NRXN1: variants seen among roughly 807,000 people sequenced by gnomAD.
NRXN1 encodes neurexin-1.
NRXN1 carries 39 observed loss-of-function variants against 150.9 expected under a neutral mutation model. That is an observed-to-expected ratio of 0.26 (90% CI 0.20 to 0.34). The LOEUF (loss-of-function observed/expected upper bound fraction) is 0.34, where lower values mean the gene tolerates loss of function less well. Among genes scored for constraint, NRXN1 ranks in the 10% least tolerant of loss-of-function variants. The pLI, the probability that NRXN1 is intolerant of heterozygous loss-of-function variation, is 1.00. For synonymous variants in NRXN1, 924 were observed against 757.0 expected, an observed-to-expected ratio of 1.22 and a Z score of -3.62; for missense variants, 1,815 against 1,949.9, an observed-to-expected ratio of 0.93 and a Z score of 1.30.
chr2:49,981,012 T>C (rs1287036668), intron 21 of NRXN1, among the ~76,000 whole-genome samples: 1 of 152,126 alleles, frequency 6.6e-6, no homozygotes, highest in African/African-American at 2.4e-5. Context: ...AATTCTAGTT[T>C]TTCTCCTAGC....
At chr2:50,679,497 T>A (rs1245677503) in intron 5 of NRXN1, among the ~76,000 whole-genome samples, 1 of 152,142 alleles carries the variant, frequency 6.6e-6, no homozygotes, top group Non-Finnish European at 1.5e-5. Context: ...CTTCCAAAAA[T>A]TACAAACTTT....
chr2:50,288,329 T>A (rs2072467259), intron 17 of NRXN1, among the ~76,000 whole-genome samples: 1 of 152,042 alleles, frequency 6.6e-6, no homozygotes, highest in Non-Finnish European at 1.5e-5. Flanking sequence ...AGGCCAGGGA[T>A]GCTGCTAACC....
At chr2:50,157,471 A>G (rs1284888896) in intron 18 of NRXN1, among the ~76,000 whole-genome samples, 6 of 152,120 alleles carry the variant, frequency 3.9e-5, no homozygotes, top group Non-Finnish European at 8.8e-5. Context: ...ATGAGCCAAC[A>G]TTATGCTACT....
At chr2:49,999,589 A>G (rs956926770) in intron 21 of NRXN1, among the ~76,000 whole-genome samples, 1 of 152,180 alleles carries the variant, frequency 6.6e-6, no homozygotes. Flanking sequence ...TCAAATAAGT[A>G]ATCAGGAAAT....
At chr2:50,057,531 T>C (rs143101257) in intron 19 of NRXN1, among the ~76,000 whole-genome samples, 174 of 152,286 alleles carry the variant, frequency 1.1e-3, no homozygotes, top group African/African-American at 4.0e-3. Context: ...AATGGCAAAT[T>C]TGATAGTTTG....
At chr2:50,727,712 T>C (rs1181256326) in intron 5 of NRXN1, among the ~76,000 whole-genome samples, 4 of 152,166 alleles carry the variant, frequency 2.6e-5, no homozygotes, top group Non-Finnish European at 4.4e-5. Flanking sequence ...TTTATGTTTT[T>C]AATTAAACAT....
At chr2:50,982,887 CCTAA>C (rs1310050837) in intron 2 of NRXN1, among the ~76,000 whole-genome samples, 7 of 152,102 alleles carry the variant, frequency 4.6e-5, no homozygotes, top group African/African-American at 1.2e-4. Context: ...TTTGCAAACA[CCTAA>C]CTGACAAATT....
chr2:49,926,270 A>G, intron 22 of NRXN1: 7 of 398,282 alleles, frequency 1.8e-5, no homozygotes, highest in Non-Finnish European at 3.1e-5. Flanking sequence ...GGACTCTTGC[A>G]CTTATAAAGC....
intron 12 of NRXN1, among the ~76,000 whole-genome samples, chr2:50,515,174 C>T (rs1242658361): frequency 2.0e-5 from 3 of 152,274 alleles, no homozygotes; most frequent in African/African-American, 4.8e-5. Flanking sequence ...AATGCAAACC[C>T]TATTGTGAAC....
chr2:50,479,626 CAATA>C (rs139756366), intron 15 of NRXN1, among the ~76,000 whole-genome samples: 78,185 of 151,276 alleles, frequency 0.52, 20,439 homozygotes, highest in Middle Eastern at 0.59. Context: ...AGTTCACATT[CAATA>C]AATAATCATT....
At chr2:50,489,184 G>A (rs2091080545) in intron 15 of NRXN1, among the ~76,000 whole-genome samples, 1 of 152,228 alleles carries the variant, frequency 6.6e-6, no homozygotes, top group Admixed American at 6.5e-5. Flanking sequence ...CAACCTCCTT[G>A]TGGCTGTTCC....
At chr2:50,279,419 A>C (rs1326781177) in intron 17 of NRXN1, among the ~76,000 whole-genome samples, 4 of 152,198 alleles carry the variant, frequency 2.6e-5, no homozygotes, top group Non-Finnish European at 5.9e-5. Context: ...TGAGGAAAAA[A>C]TGTTTAAAAC....
In NRXN1 at chr2:50,575,315, C is replaced by G. The variant is rs369078066; in HGVS notation, c.1321-22290G>C. ...TTTGTGTGCATTGCTGTGCAATCAG[C>G]CCTGAAATTCAGTTGTGGGCATAAG... On this transcript the variant is annotated intron_variant, in intron 8 of 22. Transcript: ENST00000401669. Among the ~76,000 whole-genome samples, 131 of 152,240 alleles carry G rather than the reference C, an allele frequency of 8.6e-4. No homozygotes were observed. The Middle Eastern group carries it at 0.014, about 16-fold the overall frequency.
chr2:50,108,626 G>T (rs920796443), intron 18 of NRXN1, among the ~76,000 whole-genome samples: 9 of 152,076 alleles, frequency 5.9e-5, no homozygotes, highest in Admixed American at 5.2e-4. Flanking sequence ...AAAGGTATTT[G>T]TTAAGTTCAC....
intron 2 of NRXN1, among the ~76,000 whole-genome samples, chr2:50,991,069 C>A (rs1484305675): frequency 6.6e-6 from 1 of 152,018 alleles, no homozygotes; most frequent in African/African-American, 2.4e-5. Context: ...ATGCTAGGAA[C>A]TAGGAATACA....
intron 18 of NRXN1, among the ~76,000 whole-genome samples, chr2:50,121,212 C>T (rs910753114): frequency 2.0e-5 from 3 of 151,762 alleles, no homozygotes; most frequent in Non-Finnish European, 2.9e-5. Context: ...TAGTGGAGAC[C>T]GGGTTTCGCC....
At chr2:50,017,660 CTT>C (rs143759409) in intron 21 of NRXN1, among the ~76,000 whole-genome samples, 72,005 of 138,148 alleles carry the variant, frequency 0.52, 17,868 homozygotes, top group East Asian at 0.59. Context: ...AAAACACAGC[CTT>C]TTTTTTTTTT....
intron 5 of NRXN1, among the ~76,000 whole-genome samples, chr2:50,838,360 T>G (rs942059549): frequency 1.3e-5 from 2 of 152,144 alleles, no homozygotes; most frequent in Non-Finnish European, 2.9e-5. Context: ...TTGGTGATAC[T>G]GCAAACCAAC....
chr2:50,705,602 T>G (rs1035797034), intron 5 of NRXN1, among the ~76,000 whole-genome samples: 7 of 152,222 alleles, frequency 4.6e-5, no homozygotes, highest in Non-Finnish European at 7.3e-5. Context: ...GCAGTTGGAT[T>G]ATTTCCAACC....
Sources: allele counts gnomAD v4.1 joint callset (sites outside exome capture counted in the v4.1 genomes callset), GRCh38; gene constraint gnomAD v4.1.1; transcripts MANE v1.5; gene names NCBI Gene and HGNC (gene_info 2026-07-23, HGNC 2026-07-21).